ZC3H18: variants seen among roughly 807,000 people sequenced by gnomAD.
ZC3H18 encodes zinc finger CCCH-type containing 18.
ZC3H18 carries 8 observed loss-of-function variants against 106.1 expected under a neutral mutation model. The ratio of observed to expected loss-of-function variants is 0.08; its 90% confidence interval spans 0.04 to 0.14. The LOEUF is 0.14. Among genes scored for constraint, ZC3H18 ranks in the 10% least tolerant of loss-of-function variants. ZC3H18 has a pLI of 1.00. For missense variants in ZC3H18, 1,318 were observed against 1,278.4 expected (o/e 1.03, Z -0.47); for synonymous variants, 635 against 522.1 (o/e 1.22, Z -2.95).
At position 88,623,122 on chromosome 16, in the gene ZC3H18, C is replaced by T. The variant is rs1597357774; in HGVS notation, c.1668-97C>T. On this transcript the variant is annotated intron_variant, in intron 9 of 17. Coordinates refer to ENST00000301011, the MANE Select transcript of ZC3H18 (RefSeq NM_144604.4). ...AGCTGTGCGCTTGTGTGTAGCTGTGCGTCTGTGGGTGTGTAGCTGTGCATG... is the reference window on the plus strand; with the variant it reads ...AGCTGTGCGCTTGTGTGTAGCTGTGTGTCTGTGGGTGTGTAGCTGTGCATG... 13 of 1,498,572 alleles carry T rather than the reference C, an allele frequency of 8.7e-6. 1 individual carries two copies. The highest frequency in any genetic ancestry group is 6.3e-5 in the South Asian group (5 of 79,286). The allele number at this position is 1,498,572 out of a possible 1,614,324, so 92.8% of individuals were successfully genotyped here.
intron 3 of ZC3H18, among the ~76,000 whole-genome samples, chr16:88,595,771 A>C (rs1597335045): frequency 6.7e-6 from 1 of 149,682 alleles, no homozygotes. Flanking sequence ...GCTCCACTGC[A>C]CTCCAGCCTG....
At chr16:88,588,769 A>T (rs763796187) in intron 3 of ZC3H18, among the ~76,000 whole-genome samples, 1 of 152,104 alleles carries the variant, frequency 6.6e-6, no homozygotes, top group Non-Finnish European at 1.5e-5. Context: ...AGTCCCAGCT[A>T]CGTGGGGGGT....
At chr16:88,584,393 G>C (rs1006717795) in intron 2 of ZC3H18, among the ~76,000 whole-genome samples, 3 of 150,830 alleles carry the variant, frequency 2.0e-5, no homozygotes, top group Admixed American at 6.6e-5. Context: ...CTGCACTCCA[G>C]CCTGGGCGAC....
chr16:88,582,561 C>T (rs546967921), intron 2 of ZC3H18, among the ~76,000 whole-genome samples: 6 of 152,204 alleles, frequency 3.9e-5, no homozygotes, highest in African/African-American at 7.2e-5. Context: ...GGTTCTCTTC[C>T]GTGTCACTGA....
chr16:88,608,290 C>G (rs1320309403), intron 6 of ZC3H18, among the ~76,000 whole-genome samples: 1 of 152,110 alleles, frequency 6.6e-6, no homozygotes, highest in Non-Finnish European at 1.5e-5. Context: ...AAGGTGCTGA[C>G]TTTTGTTCCA....
chr16:88,593,920 A>C (rs2142640336), intron 3 of ZC3H18, among the ~76,000 whole-genome samples: 1 of 152,360 alleles, frequency 6.6e-6, no homozygotes, highest in South Asian at 2.1e-4. Flanking sequence ...ACCCATTCAA[A>C]GTTCAAGATA....
intron 8 of ZC3H18, among the ~76,000 whole-genome samples, chr16:88,611,950 A>ACTGG (rs978177858): frequency 6.6e-6 from 1 of 152,064 alleles, no homozygotes; most frequent in African/African-American, 2.4e-5. Flanking sequence ...AGAGCTTGGG[A>ACTGG]CTGGGCTCAG....
chr16:88,586,538 G>T, intron 2 of ZC3H18, 62 bp from the exon 3 acceptor site: 1 of 1,386,854 alleles, frequency 7.2e-7, no homozygotes, highest in Non-Finnish European at 1.0e-6. Flanking sequence ...CTTCTGGTTT[G>T]GAGAAAGCAG....
chr16:88,610,047 G>A (rs1045246697), intron 7 of ZC3H18, among the ~76,000 whole-genome samples: 1 of 152,156 alleles, frequency 6.6e-6, no homozygotes, highest in East Asian at 1.9e-4. Flanking sequence ...GTCCACTTCA[G>A]CCAGCTTGTT....
chr16:88,598,791 G>T (rs984905911), intron 5 of ZC3H18, 79 bp downstream of exon 5: 2 of 1,327,144 alleles, frequency 1.5e-6, no homozygotes, highest in South Asian at 1.3e-5. Context: ...GGATTTCCTC[G>T]GTCCAGAGAG....
intron 3 of ZC3H18, among the ~76,000 whole-genome samples, chr16:88,595,475 T>G (rs962792936): frequency 1.1e-4 from 1 of 8,808 alleles, no homozygotes. Context: ...TCTTTCTTTC[T>G]TTTTTTTTTT....
At chr16:88,603,630 T>C (rs1486203796) in intron 6 of ZC3H18, among the ~76,000 whole-genome samples, 61 of 149,062 alleles carry the variant, frequency 4.1e-4, no homozygotes, top group African/African-American at 1.4e-3. Context: ...TCTCTTTTTT[T>C]TTTTTTTTTT....
At chr16:88,584,734 G>A (rs1915336544) in intron 2 of ZC3H18, among the ~76,000 whole-genome samples, 2 of 152,270 alleles carry the variant, frequency 1.3e-5, no homozygotes, top group South Asian at 4.1e-4. Context: ...AGTAGCTACA[G>A]GGTCCTCCCT....
At position 88,628,805 on chromosome 16, in the gene ZC3H18, C is replaced by A; in HGVS notation, c.2517C>A (p.Asp839Glu). The A allele has an allele frequency of 1.2e-6, 2 of 1,614,134 alleles. No homozygotes were observed. The highest frequency in any genetic ancestry group is 8.5e-7 in the Non-Finnish European group (1 of 1,180,002). Reference sequence around the variant, plus strand: ...AGCGCTATGAACCATCAGACAAGGACAGGCAGAGCCCTCCTCCAGCCAAGC... The same window carrying A: ...AGCGCTATGAACCATCAGACAAGGAAAGGCAGAGCCCTCCTCCAGCCAAGC... ...SRKRYEPSDK[D>E]RQSPPPAKRP... Residue 839 changes from aspartate (D) to glutamate (E), a missense_variant, in exon 16 of 18, where the codon GAC becomes GAA. By Grantham distance (45) the Asp-to-Glu change is conservative. Coordinates refer to ENST00000301011, the MANE Select transcript of ZC3H18 (RefSeq NM_144604.4).
intron 8 of ZC3H18, among the ~76,000 whole-genome samples, chr16:88,616,969 G>C (rs1056840939): frequency 6.6e-6 from 1 of 152,132 alleles, no homozygotes; most frequent in African/African-American, 2.4e-5. Context: ...CTTCACGAGA[G>C]GGGGCACAGT....
intron 6 of ZC3H18, among the ~76,000 whole-genome samples, chr16:88,600,298 A>G (rs567703949): frequency 6.6e-6 from 1 of 152,318 alleles, no homozygotes; most frequent in South Asian, 2.1e-4. Context: ...CCCAGGAGCC[A>G]GGAAACGTGT....
chr16:88,612,904 A>G (rs374863157), intron 8 of ZC3H18, among the ~76,000 whole-genome samples: 4 of 152,224 alleles, frequency 2.6e-5, no homozygotes, highest in Admixed American at 2.0e-4. Flanking sequence ...TCGGGAGGCT[A>G]ATACGGGAGG....
rs200498915 is a variant in ZC3H18 at position 88,631,337 on chromosome 16, A to G, written c.*38A>G. 1.4e-5 allele frequency: 22 copies of G among 1,552,166 alleles called. No individual in the cohort carries two copies. In the East Asian group the frequency reaches 4.6e-4, roughly 33 times the overall value. On this transcript the variant is annotated 3_prime_UTR_variant, in exon 18 of 18. Coordinates refer to ENST00000301011, the MANE Select transcript of ZC3H18 (RefSeq NM_144604.4). The stretch of plus-strand genomic sequence containing the variant: ...CCGGACTGGACGCATTTTTATACAT[A>G]GGGTAAGCGCAGCCATTTTGGATTT...
At chr16:88,570,937 C>T (rs933516227) in intron 1 of ZC3H18, among the ~76,000 whole-genome samples, 1 of 152,260 alleles carries the variant, frequency 6.6e-6, no homozygotes, top group Admixed American at 6.5e-5. Flanking sequence ...CCAGATTCAC[C>T]TCCAGAGTAG....
Sources: allele counts gnomAD v4.1 joint callset (sites outside exome capture counted in the v4.1 genomes callset), GRCh38; gene constraint gnomAD v4.1.1; transcripts MANE v1.5; gene names NCBI Gene and HGNC (gene_info 2026-07-23, HGNC 2026-07-21).